Variants in NTM observed in about 807,000 individuals in gnomAD.
The protein encoded by NTM is IgLON family member 2.
Under a neutral mutation model 42.1 loss-of-function variants are expected in NTM, and 13 were observed. The ratio of observed to expected loss-of-function variants is 0.31; its 90% confidence interval spans 0.20 to 0.49. NTM has a LOEUF of 0.49. Among genes scored for constraint, NTM ranks in the 20% least tolerant of loss-of-function variants. The pLI, the probability that NTM is intolerant of heterozygous loss-of-function variation, is 0.99. For synonymous variants in NTM, 187 were observed against 179.2 expected (o/e 1.04, Z -0.35); for missense variants, 373 against 452.8 (o/e 0.82, Z 1.60).
chr11:131,520,337 GGTAA>G (rs1262392595), intron 1 of NTM, among the ~76,000 whole-genome samples: 14 of 152,152 alleles, frequency 9.2e-5, no homozygotes, highest in South Asian at 2.1e-4. Context: ...TCAATTTTAA[GGTAA>G]ACAAACTAAG....
At chr11:131,772,854 C>T (rs1219999073) in intron 1 of NTM, among the ~76,000 whole-genome samples, 1 of 152,194 alleles carries the variant, frequency 6.6e-6, no homozygotes, top group Non-Finnish European at 1.5e-5. Context: ...GGAAACAGGT[C>T]ATTCTATCTG....
intron 2 of NTM, among the ~76,000 whole-genome samples, chr11:132,131,061 C>A (rs750560328): frequency 5.3e-5 from 8 of 152,192 alleles, no homozygotes; most frequent in Non-Finnish European, 8.8e-5. Flanking sequence ...TATTATTTTT[C>A]TGGTTAATTA....
At chr11:132,252,610 A>C (rs1033526564) in intron 4 of NTM, among the ~76,000 whole-genome samples, 2 of 152,222 alleles carry the variant, frequency 1.3e-5, no homozygotes, top group African/African-American at 4.8e-5. Flanking sequence ...GGTTAATAAA[A>C]GAGAGAGAAA....
At chr11:131,373,064 C>G (rs1389251153) in intron 1 of NTM, among the ~76,000 whole-genome samples, 1 of 152,128 alleles carries the variant, frequency 6.6e-6, no homozygotes. Context: ...CTTCAGTGGT[C>G]GTAATAGAAC....
At chr11:132,026,281 C>T (rs1017613134) in intron 2 of NTM, among the ~76,000 whole-genome samples, 6 of 152,146 alleles carry the variant, frequency 3.9e-5, no homozygotes, top group Admixed American at 6.5e-5. Context: ...CATCTTGCCC[C>T]GCATGATCAG....
chr11:131,975,942 G>T (rs1305834578), intron 2 of NTM, among the ~76,000 whole-genome samples: 1 of 152,106 alleles, frequency 6.6e-6, no homozygotes, highest in Non-Finnish European at 1.5e-5. Flanking sequence ...GGAGTCTGTT[G>T]GCAGAACCAA....
At chr11:131,977,865 C>A (rs538174754) in intron 2 of NTM, among the ~76,000 whole-genome samples, 2 of 152,202 alleles carry the variant, frequency 1.3e-5, no homozygotes, top group Non-Finnish European at 2.9e-5. Flanking sequence ...CTTTATGTGG[C>A]CTTTGATATG....
At chr11:131,724,080 C>T (rs998001599) in intron 1 of NTM, among the ~76,000 whole-genome samples, 1 of 152,166 alleles carries the variant, frequency 6.6e-6, no homozygotes, top group African/African-American at 2.4e-5. Context: ...GGAGGGACAA[C>T]ACTTTTCAAA....
At chr11:131,551,903 T>G (rs2054714047) in intron 1 of NTM, among the ~76,000 whole-genome samples, 1 of 152,136 alleles carries the variant, frequency 6.6e-6, no homozygotes, top group East Asian at 1.9e-4. Flanking sequence ...ACACTGGGCA[T>G]GGCAGAAAAG....
intron 4 of NTM, among the ~76,000 whole-genome samples, chr11:132,228,562 G>A (rs546455388): frequency 6.6e-6 from 1 of 152,284 alleles, no homozygotes; most frequent in African/African-American, 2.4e-5. Context: ...GTATAAGATG[G>A]GGAATAGGAG....
At chr11:131,743,437 A>G (rs948343829) in intron 1 of NTM, among the ~76,000 whole-genome samples, 2 of 152,242 alleles carry the variant, frequency 1.3e-5, no homozygotes, top group African/African-American at 4.8e-5. Context: ...TGTTTCTGCA[A>G]GAATTATGAA....
intron 2 of NTM, among the ~76,000 whole-genome samples, chr11:132,112,718 TACAC>T (rs61630313): frequency 0.32 from 45,881 of 141,828 alleles, 7,721 homozygotes; most frequent in African/African-American, 0.46. Flanking sequence ...ACTGCACACT[TACAC>T]ACACACACAC....
At chr11:132,319,389 C>A (rs566903870) in intron 7 of NTM, among the ~76,000 whole-genome samples, 1 of 152,130 alleles carries the variant, frequency 6.6e-6, no homozygotes, top group Non-Finnish European at 1.5e-5. Context: ...CAGTGACCGT[C>A]GGCACCTGGA....
At chr11:132,004,630 T>TCACACACA (rs1389717345) in intron 2 of NTM, among the ~76,000 whole-genome samples, 4 of 138,424 alleles carry the variant, frequency 2.9e-5, no homozygotes, top group African/African-American at 1.1e-4. Context: ...TCTCTCTCTC[T>TCACACACA]CTCTCACACA....
Position 131,384,192 on chromosome 11 carries a change from CA to C in NTM, c.82+13306del, listed in dbSNP as rs113807750. On this transcript the variant is annotated intron_variant, in intron 1 of 8. Coordinates refer to ENST00000683400, the MANE Select transcript of NTM (RefSeq NM_001352005.2). ...AAAAAGACAGTCTTCAACACAGATA[CA>C]ACTAATTACCCAGGGAGAGAGTAAG... 4.5e-3 allele frequency among the ~76,000 whole-genome samples: 679 copies of C among 152,132 alleles called. 8 individuals are homozygous for C. The highest frequency in any genetic ancestry group is 0.016 in the African/African-American group (656 of 41,482).
At chr11:131,658,811 A>G (rs897941461) in intron 1 of NTM, among the ~76,000 whole-genome samples, 33 of 152,150 alleles carry the variant, frequency 2.2e-4, no homozygotes, top group African/African-American at 9.7e-5. Context: ...CTCTAATAAA[A>G]ATACAAAAAA....
intron 3 of NTM, among the ~76,000 whole-genome samples, chr11:132,184,882 G>A (rs1320454235): frequency 6.6e-6 from 1 of 152,252 alleles, no homozygotes; most frequent in African/African-American, 2.4e-5. Context: ...GGCGTCAGAG[G>A]TGCCAATTCA....
chr11:132,169,311 ATTTT>A (rs1319753683), intron 3 of NTM, among the ~76,000 whole-genome samples: 2 of 47,146 alleles, frequency 4.2e-5, no homozygotes, highest in African/African-American at 1.5e-4. Context: ...TCTAGGTTTA[ATTTT>A]TTTACTTTTT....
intron 2 of NTM, among the ~76,000 whole-genome samples, chr11:132,006,936 G>A (rs969298629): frequency 3.3e-5 from 5 of 152,176 alleles, no homozygotes; most frequent in Admixed American, 6.5e-5. Context: ...CCAATGAGAG[G>A]CAGCTACAAA....
Sources: allele counts gnomAD v4.1 joint callset (sites outside exome capture counted in the v4.1 genomes callset), GRCh38; gene constraint gnomAD v4.1.1; transcripts MANE v1.5; gene names NCBI Gene and HGNC (gene_info 2026-07-23, HGNC 2026-07-21).